Variants in NPAS3 observed in about 807,000 individuals in gnomAD.
NPAS3 encodes neuronal PAS domain protein 3.
NPAS3 carries 14 observed loss-of-function variants against 73.1 expected under a neutral mutation model. The ratio of observed to expected loss-of-function variants is 0.19; its 90% CI spans 0.13 to 0.30. The LOEUF (loss-of-function observed/expected upper bound fraction) is 0.30, where lower values mean the gene tolerates loss of function less well. NPAS3 is among the 10% of genes least tolerant of loss of function. NPAS3 has a pLI of 1.00. For synonymous variants in NPAS3, 620 were observed against 541.5 expected, an observed-to-expected ratio of 1.14 and a Z score of -2.01; for missense variants, 1,096 against 1,250.0, an observed-to-expected ratio of 0.88 and a Z score of 1.86.
chr14:33,089,192 A>C (rs188249107), intron 2 of NPAS3, among the ~76,000 whole-genome samples: 73 of 152,304 alleles, frequency 4.8e-4, no homozygotes, highest in African/African-American at 1.7e-3. Flanking sequence ...CAGACAATCA[A>C]ACTTCTCCAA....
At chr14:33,408,007 C>T (rs570085172) in intron 4 of NPAS3, among the ~76,000 whole-genome samples, 8 of 152,056 alleles carry the variant, frequency 5.3e-5, no homozygotes, top group Non-Finnish European at 1.2e-4. Flanking sequence ...AATGAATTTT[C>T]GAACATTGAT....
chr14:33,302,117 AATG>A (rs1416458368), intron 3 of NPAS3, among the ~76,000 whole-genome samples: 18 of 152,350 alleles, frequency 1.2e-4, no homozygotes, highest in South Asian at 8.3e-4. Context: ...ATTGATGAAT[AATG>A]ATTAAATTAA....
At chr14:32,970,980 G>T (rs1055283990) in intron 1 of NPAS3, among the ~76,000 whole-genome samples, 1 of 151,954 alleles carries the variant, frequency 6.6e-6, no homozygotes, top group African/African-American at 2.4e-5. Context: ...CCTACCCAGG[G>T]TGTTATTACC....
chr14:33,324,554 G>A (rs995106755), intron 3 of NPAS3, among the ~76,000 whole-genome samples: 1 of 152,060 alleles, frequency 6.6e-6, no homozygotes, highest in African/African-American at 2.4e-5. Context: ...TTTTATTACT[G>A]CGAAAATCTT....
intron 5 of NPAS3, 65 bp downstream of exon 5, chr14:33,560,275 C>A: frequency 1.3e-6 from 1 of 762,196 alleles, no homozygotes; most frequent in Admixed American, 1.9e-5. Context: ...CATGTTTTTC[C>A]TTCTTCAAGG....
intron 2 of NPAS3, among the ~76,000 whole-genome samples, chr14:33,091,218 A>G (rs1303969667): frequency 2.0e-5 from 3 of 152,142 alleles, no homozygotes; most frequent in Non-Finnish European, 2.9e-5. Flanking sequence ...TTTTGAAAAG[A>G]TCAACAAAAT....
chr14:32,978,522 G>GT (rs35229678), intron 1 of NPAS3, among the ~76,000 whole-genome samples: 2,096 of 148,608 alleles, frequency 0.014, 17 homozygotes, highest in Non-Finnish European at 0.015. Flanking sequence ...AATATTAGCA[G>GT]TTTTTTTTTT....
chr14:33,171,015 C>T (rs967730582), intron 2 of NPAS3, among the ~76,000 whole-genome samples: 41 of 152,306 alleles, frequency 2.7e-4, no homozygotes, highest in African/African-American at 7.7e-4. Context: ...TCACTACCTA[C>T]GGCAGTGACA....
At chr14:33,147,754 T>TATATACAC (rs368950295) in intron 2 of NPAS3, among the ~76,000 whole-genome samples, 5 of 142,442 alleles carry the variant, frequency 3.5e-5, no homozygotes, top group African/African-American at 1.1e-4. Context: ...TATATATATA[T>TATATACAC]ACACACAAAA....
At chr14:33,767,985 C>T (rs1468230093) in intron 7 of NPAS3, among the ~76,000 whole-genome samples, 1 of 152,204 alleles carries the variant, frequency 6.6e-6, no homozygotes, top group Non-Finnish European at 1.5e-5. Flanking sequence ...TGTTAACACT[C>T]CCACATTCAT....
At chr14:32,991,789 A>G (rs947577229) in intron 1 of NPAS3, among the ~76,000 whole-genome samples, 1 of 152,204 alleles carries the variant, frequency 6.6e-6, no homozygotes. Flanking sequence ...ACAGTAAGGC[A>G]TTCGTTGCCT....
At chr14:33,436,291 T>A (rs2048987804) in intron 4 of NPAS3, among the ~76,000 whole-genome samples, 1 of 152,170 alleles carries the variant, frequency 6.6e-6, no homozygotes, top group African/African-American at 2.4e-5. Flanking sequence ...AACATAGACA[T>A]GTGCTTCAAG....
At chr14:32,947,610 C>T (rs964821189) in intron 1 of NPAS3, among the ~76,000 whole-genome samples, 1 of 151,780 alleles carries the variant, frequency 6.6e-6, no homozygotes, top group Non-Finnish European at 1.5e-5. Context: ...CTGTTTACAA[C>T]ATAAATTATA....
At chr14:33,385,925 C>T (rs1454425924) in intron 4 of NPAS3, among the ~76,000 whole-genome samples, 19 of 152,074 alleles carry the variant, frequency 1.2e-4, no homozygotes, top group Admixed American at 1.2e-3. Context: ...TTTTCAGAAG[C>T]CCAATCCGGG....
At chr14:33,546,164 T>C (rs2054833920) in intron 4 of NPAS3, among the ~76,000 whole-genome samples, 1 of 152,184 alleles carries the variant, frequency 6.6e-6, no homozygotes, top group Admixed American at 6.5e-5. Context: ...TGGAACGATA[T>C]CCAGATTCCC....
At chr14:32,989,371 A>G (rs6571575) in intron 1 of NPAS3, among the ~76,000 whole-genome samples, 126,572 of 152,146 alleles carry the variant, frequency 0.83, 52,716 homozygotes, top group African/African-American at 0.84. Context: ...GTGGCCGGGC[A>G]CGGTGGCTCA....
intron 6 of NPAS3, among the ~76,000 whole-genome samples, chr14:33,698,241 C>A (rs1177615053): frequency 6.6e-6 from 1 of 152,214 alleles, no homozygotes; most frequent in African/African-American, 2.4e-5. Flanking sequence ...AAGAGACATA[C>A]AACATATGAC....
At chr14:33,769,280 C>G (rs1471472892) in intron 7 of NPAS3, among the ~76,000 whole-genome samples, 2 of 152,198 alleles carry the variant, frequency 1.3e-5, no homozygotes, top group Non-Finnish European at 2.9e-5. Context: ...AAGTGCCTAA[C>G]TCTTATTTTC....
intron 4 of NPAS3, among the ~76,000 whole-genome samples, chr14:33,394,129 A>G (rs186874857): frequency 2.0e-5 from 3 of 152,304 alleles, no homozygotes; most frequent in South Asian, 4.1e-4. Flanking sequence ...TTGTCTGTGA[A>G]TATCATTTAG....
Sources: gnomAD v4.1 joint callset for allele counts (sites outside exome capture counted in the v4.1 genomes callset) on GRCh38, gnomAD v4.1.1 for gene constraint, MANE v1.5 for transcripts, NCBI Gene and HGNC (gene_info 2026-07-23, HGNC 2026-07-21) for gene names.